MTHFD1L: variants seen among roughly 807,000 people sequenced by gnomAD.
MTHFD1L encodes the protein monofunctional C1-tetrahydrofolate synthase, mitochondrial.
A neutral mutation model predicts 119.5 loss-of-function variants in MTHFD1L; 81 were observed. That is an observed-to-expected ratio of 0.68 (90% CI 0.57 to 0.82). The LOEUF is 0.82. Ranked by LOEUF, MTHFD1L falls within the 40% of genes least tolerant of loss-of-function variation. The pLI, the probability that MTHFD1L is intolerant of heterozygous loss-of-function variation, is 0.00. For missense variants in MTHFD1L, 1,125 were observed against 1,253.4 expected (o/e 0.90, Z 1.55); for synonymous variants, 430 against 475.2 (o/e 0.90, Z 1.24).
chr6:151,050,239 T>G (rs1247811630), intron 26 of MTHFD1L, among the ~76,000 whole-genome samples: 1 of 152,228 alleles, frequency 6.6e-6, no homozygotes. Flanking sequence ...CTTGGCTCCC[T>G]GCTACCTCCG....
At chr6:151,071,304 G>A (rs1357187013) in intron 26 of MTHFD1L, among the ~76,000 whole-genome samples, 1 of 152,150 alleles carries the variant, frequency 6.6e-6, no homozygotes, top group African/African-American at 2.4e-5. Context: ...AAGGGGTGCT[G>A]CAGAACTGTT....
intron 11 of MTHFD1L, among the ~76,000 whole-genome samples, chr6:150,927,668 G>T (rs1468272976): frequency 4.6e-5 from 7 of 151,924 alleles, no homozygotes; most frequent in Non-Finnish European, 7.4e-5. Flanking sequence ...TGTTGGCCAG[G>T]CTTTTCTCGA....
chr6:151,008,376 G>A (rs962991995), intron 20 of MTHFD1L, among the ~76,000 whole-genome samples: 3 of 152,174 alleles, frequency 2.0e-5, no homozygotes, highest in Non-Finnish European at 4.4e-5. Flanking sequence ...CATTTACTTT[G>A]TATTAACTCA....
intron 4 of MTHFD1L, among the ~76,000 whole-genome samples, chr6:150,878,344 C>G (rs1211926541): frequency 3.9e-5 from 6 of 152,096 alleles, no homozygotes; most frequent in Admixed American, 3.3e-4. Flanking sequence ...CTCCGCCTCC[C>G]AGGTTCAAGC....
intron 26 of MTHFD1L, among the ~76,000 whole-genome samples, chr6:151,044,385 T>C (rs1219110686): frequency 6.7e-6 from 1 of 150,176 alleles, no homozygotes; most frequent in Non-Finnish European, 1.5e-5. Context: ...CACTGCAACC[T>C]CCATCTCCGG....
rs1389703739 is a variant in MTHFD1L, at chr6:151,076,211, A to G, written c.2848-16256A>G. Among the ~76,000 whole-genome samples the G allele has an allele frequency of 6.5e-5, 8 of 123,322 alleles. No individual in the cohort carries two copies. In the Admixed American group the frequency reaches 7.8e-4, roughly 12 times the overall value. The allele number at this position is 123,322 out of a possible 152,430, so 80.9% of individuals were successfully genotyped here. A position where few individuals can be genotyped will look rare whatever the true frequency, so the allele number is the denominator to read the frequency against. On this transcript the variant is annotated intron_variant, in intron 26 of 27. Coordinates refer to ENST00000367321, the MANE Select transcript of MTHFD1L (RefSeq NM_015440.5). Reference sequence around the variant, plus strand: ...TCTGTGTCTACAATAAAAGAAAAAGAAAATTAGCCAGTTGTGGTGGCCTAG... The same window carrying G: ...TCTGTGTCTACAATAAAAGAAAAAGGAAATTAGCCAGTTGTGGTGGCCTAG...
chr6:150,881,778 A>T (rs1455403078), intron 4 of MTHFD1L, among the ~76,000 whole-genome samples: 1 of 152,156 alleles, frequency 6.6e-6, no homozygotes, highest in Non-Finnish European at 1.5e-5. Flanking sequence ...TATTTCCTTT[A>T]CTTAGAACTG....
chr6:151,061,358 G>T (rs537922485), intron 26 of MTHFD1L, among the ~76,000 whole-genome samples: 2 of 152,254 alleles, frequency 1.3e-5, no homozygotes, highest in African/African-American at 4.8e-5. Flanking sequence ...TGCAGAAGAG[G>T]CTCATTAGAG....
At chr6:151,011,944 T>A (rs1012708292) in intron 21 of MTHFD1L, among the ~76,000 whole-genome samples, 2 of 143,968 alleles carry the variant, frequency 1.4e-5, no homozygotes, top group African/African-American at 5.2e-5. Context: ...GAGGTTGCAG[T>A]GATCTGAGAT....
intron 24 of MTHFD1L, among the ~76,000 whole-genome samples, chr6:151,020,124 C>A (rs1293099389): frequency 1.3e-5 from 2 of 152,182 alleles, no homozygotes; most frequent in African/African-American, 4.8e-5. Context: ...ACTTTATATC[C>A]CCAAGAATGT....
intron 26 of MTHFD1L, among the ~76,000 whole-genome samples, chr6:151,083,322 C>T (rs1318790972): frequency 1.3e-5 from 2 of 152,118 alleles, no homozygotes; most frequent in African/African-American, 2.4e-5. Flanking sequence ...CTCAACCTCC[C>T]GAGTAGCTGA....
At chr6:150,876,533 A>G (rs1342161452) in intron 2 of MTHFD1L, among the ~76,000 whole-genome samples, 1 of 152,238 alleles carries the variant, frequency 6.6e-6, no homozygotes, top group Non-Finnish European at 1.5e-5. Flanking sequence ...TTCAATGGAC[A>G]CAGATGCTAG....
At chr6:150,947,911 C>T (rs1015307057) in intron 15 of MTHFD1L, among the ~76,000 whole-genome samples, 1 of 152,152 alleles carries the variant, frequency 6.6e-6, no homozygotes, top group African/African-American at 2.4e-5. Flanking sequence ...GTATCTTACT[C>T]GTAGAAGAAA....
intron 7 of MTHFD1L, among the ~76,000 whole-genome samples, chr6:150,899,227 G>C (rs1172802487): frequency 6.6e-6 from 1 of 152,184 alleles, no homozygotes; most frequent in Non-Finnish European, 1.5e-5. Context: ...AAGTTTGGTA[G>C]AAAAATGCTG....
rs957333957 is a variant in MTHFD1L at position 150,926,881 on chromosome 6, A to T, written c.1256+586A>T. On this transcript the variant is annotated intron_variant, in intron 11 of 27. Coordinates refer to ENST00000367321, the MANE Select transcript of MTHFD1L (RefSeq NM_015440.5). This position sits in a 1 kb window ranked among gnomAD's most constrained non-coding sequence, Gnocchi z 4.3. Reference sequence around the variant, plus strand: ...TGTTTGCCTTTTTCCCCTTCTTTTTAAAAAAAGAAGTACATTCACTAGCTG... The same window carrying T: ...TGTTTGCCTTTTTCCCCTTCTTTTTTAAAAAAGAAGTACATTCACTAGCTG... 7.2e-5 allele frequency among the ~76,000 whole-genome samples: 11 copies of T among 152,136 alleles called. No individual in the cohort carries two copies. Among genetic ancestry groups the T allele is most frequent in the Admixed American group, 3.3e-4 (5 of 15,274 alleles).
intron 13 of MTHFD1L, among the ~76,000 whole-genome samples, chr6:150,940,426 C>T (rs1417039750): frequency 6.6e-6 from 1 of 152,022 alleles, no homozygotes; most frequent in African/African-American, 2.4e-5. Context: ...CATGAGCCAG[C>T]AAGACCCAGA....
chr6:151,066,005 T>C (rs1584379559), intron 26 of MTHFD1L, among the ~76,000 whole-genome samples: 2 of 144,632 alleles, frequency 1.4e-5, no homozygotes, highest in East Asian at 1.9e-4. Flanking sequence ...ACTAAATTTA[T>C]AGTAGCTCCT....
intron 26 of MTHFD1L, among the ~76,000 whole-genome samples, chr6:151,086,347 C>A (rs192915822): frequency 6.6e-6 from 1 of 152,092 alleles, no homozygotes; most frequent in African/African-American, 2.4e-5. Context: ...CATTTATCCT[C>A]GTGCATCATC....
chr6:151,015,452 G>A (rs1211435046), intron 23 of MTHFD1L, 64 bp from the exon 24 acceptor site: 9 of 1,533,548 alleles, frequency 5.9e-6, no homozygotes, highest in Non-Finnish European at 7.0e-6. Flanking sequence ...TAAATGGTGA[G>A]TCTTTCTTTG....
Sources: allele counts gnomAD v4.1 joint callset (sites outside exome capture counted in the v4.1 genomes callset), GRCh38; gene constraint gnomAD v4.1.1; non-coding constraint Gnocchi (gnomAD v3.1); transcripts MANE v1.5; gene names NCBI Gene and HGNC (gene_info 2026-07-23, HGNC 2026-07-21).